Variants in TMEM184C observed in about 807,000 individuals in gnomAD.
TMEM184C encodes transmembrane protein 34.
TMEM184C carries 25 observed loss-of-function variants against 54.5 expected under a neutral mutation model. The observed-to-expected ratio is 0.46, with a 90% CI of 0.33 to 0.64. The LOEUF (loss-of-function observed/expected upper bound fraction) is 0.64. Among genes scored for constraint, TMEM184C ranks in the 30% least tolerant of loss-of-function variants. The pLI, the probability that TMEM184C is intolerant of heterozygous loss-of-function variation, is 0.02. For missense variants in TMEM184C, 335 were observed against 520.3 expected (o/e 0.64, Z 3.46); for synonymous variants, 148 against 181.5 (o/e 0.82, Z 1.49).
In TMEM184C at chr4:147,635,413, CAGAA is replaced by C. The variant is rs1733004188; in HGVS notation, c.*983_*986del. 1 of 152,126 alleles carries C rather than the reference CAGAA, an allele frequency of 6.6e-6. No individual in the cohort carries two copies. Among genetic ancestry groups the C allele is most frequent in the Non-Finnish European group, 1.5e-5 (1 of 68,020 alleles). The allele number at this position is 152,126 out of a possible 1,614,324, so 9.4% of individuals were successfully genotyped here. A position where few individuals can be genotyped will look rare whatever the true frequency, so the allele number is the denominator to read the frequency against. On this transcript the variant is annotated 3_prime_UTR_variant, in exon 10 of 10. Coordinates refer to ENST00000296582, the MANE Select transcript of TMEM184C (RefSeq NM_018241.3). ...TCTTAATTACTCATTAAACCACAGTCAGAAAGACATATAGGTGCTATTTGGGAAA... is the reference window on the plus strand; with the variant it reads ...TCTTAATTACTCATTAAACCACAGTCAGACATATAGGTGCTATTTGGGAAA...
chr4:147,634,783 G>C lies in TMEM184C; in HGVS notation c.*349G>C, dbSNP rs1490287692. The stretch of plus-strand genomic sequence containing the variant: ...GCTCTGTCACCCAGGCTGGAGTGCA[G>C]TGGCGCAATCTCGGGTCACTGCAAG... On this transcript the variant is annotated 3_prime_UTR_variant, in exon 10 of 10. Coordinates refer to ENST00000296582, the MANE Select transcript of TMEM184C (RefSeq NM_018241.3). 5.8e-6 allele frequency: 1 copy of C among 173,610 alleles called. No individual in the cohort carries two copies. Among genetic ancestry groups the C allele is most frequent in the East Asian group, 1.6e-4 (1 of 6,146 alleles). 10.8% of individuals were successfully genotyped at this position (173,610 alleles called of 1,614,324 possible). A position where few individuals can be genotyped will look rare whatever the true frequency, so the allele number is the denominator to read the frequency against.
intron 4 of TMEM184C, 130 bp from the exon 5 acceptor site, chr4:147,628,231 T>A: frequency 1.5e-6 from 1 of 687,580 alleles, no homozygotes; most frequent in Non-Finnish European, 2.5e-6. Context: ...CTATTAAGGA[T>A]GACTACATTG....
chr4:147,629,612 C>T lies in TMEM184C; in HGVS notation c.586C>T (p.Leu196Phe). 1 of 1,593,712 alleles carries T rather than the reference C, an allele frequency of 6.3e-7. No homozygotes were observed. The highest frequency in any genetic ancestry group is 8.5e-7 in the Non-Finnish European group (1 of 1,171,930). The change falls in exon 6 of 10, where the codon CTT becomes TTT. Residue 196 changes from leucine (L) to phenylalanine (F), a missense_variant. Coordinates refer to ENST00000296582, the MANE Select transcript of TMEM184C (RefSeq NM_018241.3). ...TACTATTTTTAGAATCTGTGAGCTGCTTGGTATATATGACGAAGGGAACTT... is the reference window on the plus strand; with the variant it reads ...TACTATTTTTAGAATCTGTGAGCTGTTTGGTATATATGACGAAGGGAACTT... Reference protein sequence around the residue: ...TTIVALICELLGIYDEGNFSF... With the variant: ...TTIVALICELFGIYDEGNFSF...
chr4:147,629,591 A>G lies in TMEM184C; in HGVS notation c.573-8A>G, dbSNP rs1316683224. ...TAATCAGAGATATCTCATTTTTACT[A>G]TTTTTAGAATCTGTGAGCTGCTTGG... On this transcript the variant is annotated splice_polypyrimidine_tract_variant and splice_region_variant and intron_variant, in intron 5 of 9. Coordinates refer to ENST00000296582, the MANE Select transcript of TMEM184C (RefSeq NM_018241.3). 6 of 1,585,066 alleles carry G rather than the reference A, an allele frequency of 3.8e-6. No homozygotes were observed. Among genetic ancestry groups the G allele is most frequent in the East Asian group, 2.3e-5 (1 of 43,280 alleles).
At chr4:147,620,446 T>TA (rs929426201) in intron 1 of TMEM184C, among the ~76,000 whole-genome samples, 2 of 152,186 alleles carry the variant, frequency 1.3e-5, no homozygotes, top group Non-Finnish European at 2.9e-5. Flanking sequence ...TCTGAGAAGT[T>TA]ACCATGCAGG....
intron 4 of TMEM184C, among the ~76,000 whole-genome samples, chr4:147,626,363 G>T (rs1409034622): frequency 6.6e-6 from 1 of 152,222 alleles, no homozygotes; most frequent in Non-Finnish European, 1.5e-5. Context: ...ACAGCTTGGA[G>T]GTTAGACACA....
At chr4:147,623,987 C>G (rs1483584666) in intron 2 of TMEM184C, 23 bp downstream of exon 2, 1 of 1,613,034 alleles carries the variant, frequency 6.2e-7, no homozygotes, top group African/African-American at 1.3e-5. Context: ...AATTTTGATT[C>G]CACTACTGTT....
At chr4:147,629,192 T>C (rs962673331) in intron 5 of TMEM184C, among the ~76,000 whole-genome samples, 3 of 152,022 alleles carry the variant, frequency 2.0e-5, no homozygotes, top group South Asian at 4.1e-4. Context: ...TCCAAGACAA[T>C]TGAGGGGAAA....
At chr4:147,621,700 AGAT>A (rs1039496453) in intron 1 of TMEM184C, among the ~76,000 whole-genome samples, 8 of 152,268 alleles carry the variant, frequency 5.3e-5, no homozygotes, top group Non-Finnish European at 1.2e-4. Context: ...TAATGTGGAG[AGAT>A]GATGTTTTTC....
intron 4 of TMEM184C, 152 bp from the exon 5 acceptor site, chr4:147,628,209 C>A: frequency 1.6e-6 from 1 of 630,224 alleles, no homozygotes; most frequent in Non-Finnish European, 2.8e-6. Context: ...CATCCACATT[C>A]TTCTGCCACT....
At chr4:147,628,858 G>A (rs1285129014) in intron 5 of TMEM184C, among the ~76,000 whole-genome samples, 2 of 152,044 alleles carry the variant, frequency 1.3e-5, no homozygotes, top group African/African-American at 4.8e-5. Context: ...TTCTATCAAG[G>A]CTTAGAATTG....
chr4:147,631,265 A>G (rs1732912794), intron 6 of TMEM184C, 128 bp from the exon 7 acceptor site: 7 of 593,578 alleles, frequency 1.2e-5, no homozygotes, highest in Non-Finnish European at 2.0e-5. Flanking sequence ...TAATCTAAAA[A>G]TAGAATAATA....
chr4:147,631,349 C>T lies in TMEM184C; in HGVS notation c.667-44C>T, dbSNP rs184838391. ...TATGTAACTTTAATATTTCTATTAC[C>T]ATATCTATTACTGAACAAGTTTAAA... On this transcript the variant is annotated intron_variant, in intron 6 of 9. Coordinates refer to ENST00000296582, the MANE Select transcript of TMEM184C (RefSeq NM_018241.3). The T allele has an allele frequency of 2.9e-6, 4 of 1,390,394 alleles. No homozygotes were observed. The Admixed American group carries it at 9.6e-5, about 34-fold the overall frequency. The allele number at this position is 1,390,394 out of a possible 1,614,324, so 86.1% of individuals were successfully genotyped here.
intron 5 of TMEM184C, among the ~76,000 whole-genome samples, chr4:147,628,756 C>G (rs1190009037): frequency 6.6e-6 from 1 of 152,040 alleles, no homozygotes; most frequent in Admixed American, 6.5e-5. Flanking sequence ...AAGTATGCTA[C>G]TTTAGGTTAA....
At chr4:147,624,740 G>A (rs1363818651) in intron 3 of TMEM184C, 64 bp from the exon 4 acceptor site, 1 of 1,495,944 alleles carries the variant, frequency 6.7e-7, no homozygotes, top group Non-Finnish European at 9.2e-7. Flanking sequence ...TGAGTACCAT[G>A]AATGGAGTGG....
At chr4:147,630,660 T>C (rs1350281366) in intron 6 of TMEM184C, among the ~76,000 whole-genome samples, 2 of 152,068 alleles carry the variant, frequency 1.3e-5, no homozygotes, top group African/African-American at 4.8e-5. Flanking sequence ...ATTTTATAAT[T>C]AGTTCATGAC....
At chr4:147,628,308 T>C (rs1346877142) in intron 4 of TMEM184C, 53 bp from the exon 5 acceptor site, 1 of 1,427,822 alleles carries the variant, frequency 7.0e-7, no homozygotes, top group Non-Finnish European at 9.7e-7. Flanking sequence ...TTGGGGAAAA[T>C]CTGATGCTAT....
At position 147,624,234 on chromosome 4, in the gene TMEM184C, A is replaced by G. The variant is rs559960278; in HGVS notation, c.291+136A>G. 286 of 651,884 alleles carry G rather than the reference A, an allele frequency of 4.4e-4. 1 individual carries two copies. In the African/African-American group the frequency reaches 4.7e-3, roughly 11 times the overall value. The allele number at this position is 651,884 out of a possible 1,614,324, so 40.4% of individuals were successfully genotyped here. On this transcript the variant is annotated intron_variant, in intron 3 of 9. Coordinates refer to ENST00000296582, the MANE Select transcript of TMEM184C (RefSeq NM_018241.3). The stretch of plus-strand genomic sequence containing the variant: ...AAGTAAAAAGGTTCACTTGTTTCTA[A>G]TGATAGAGAATATAAAGTATAATTA...
chr4:147,623,396 C>T (rs1732748591), intron 1 of TMEM184C, among the ~76,000 whole-genome samples: 5 of 151,098 alleles, frequency 3.3e-5, no homozygotes, highest in Admixed American at 3.3e-4. Flanking sequence ...GATCGCGCCG[C>T]TGTACTCCAG....
Sources: allele counts gnomAD v4.1 joint callset (sites outside exome capture counted in the v4.1 genomes callset), GRCh38; gene constraint gnomAD v4.1.1; transcripts MANE v1.5; gene names NCBI Gene and HGNC (gene_info 2026-07-23, HGNC 2026-07-21).